DRC11: variants seen among roughly 807,000 people sequenced by gnomAD.
DRC11 encodes the protein dynein regulatory complex subunit 11.
the DRC11 span, among the ~76,000 whole-genome samples, chr2:236,354,012 G>A: frequency 6.6e-6 from 1 of 152,062 alleles, no homozygotes; most frequent in Admixed American, 6.5e-5. Context: ...ACTGCAATTA[G>A]CTGGATATAA....
the DRC11 span, among the ~76,000 whole-genome samples, chr2:236,472,345 G>A: frequency 2.0e-5 from 3 of 152,162 alleles, no homozygotes; most frequent in Non-Finnish European, 4.4e-5. This position sits in a 1 kb window ranked among gnomAD's most constrained non-coding sequence, Gnocchi z 4.6. Context: ...TATGGTAGAC[G>A]CAGGTGAGAT....
chr2:236,320,015 C>A, the DRC11 span, among the ~76,000 whole-genome samples: 2 of 152,218 alleles, frequency 1.3e-5, no homozygotes, highest in African/African-American at 4.8e-5. Flanking sequence ...CAGCCCCTAG[C>A]ACTGTGCACG....
chr2:236,322,229 CTT>C, the DRC11 span, among the ~76,000 whole-genome samples: 243 of 98,486 alleles, frequency 2.5e-3, no homozygotes, highest in African/African-American at 8.6e-3. Flanking sequence ...TTTCTTTCCT[CTT>C]TTTTTTTTTT....
At chr2:236,315,735 C>T in the DRC11 span, among the ~76,000 whole-genome samples, 2 of 152,166 alleles carry the variant, frequency 1.3e-5, no homozygotes, top group Non-Finnish European at 2.9e-5. This position sits in a 1 kb window ranked among gnomAD's most constrained non-coding sequence, Gnocchi z 5.1. Flanking sequence ...CCATTATCCT[C>T]AGCAAACTAA....
At chr2:236,323,465 G>C in the DRC11 span, among the ~76,000 whole-genome samples, 8 of 152,210 alleles carry the variant, frequency 5.3e-5, no homozygotes, top group Non-Finnish European at 7.3e-5. The surrounding 1 kb of genome is among the most constrained non-coding windows in gnomAD (Gnocchi z 6.4). Flanking sequence ...ACTTCGTGGG[G>C]AGTGCGGAAC....
At chr2:236,453,661 AT>A in the DRC11 span, among the ~76,000 whole-genome samples, 1 of 151,170 alleles carries the variant, frequency 6.6e-6, no homozygotes, top group South Asian at 2.1e-4. This position sits in a 1 kb window ranked among gnomAD's most constrained non-coding sequence, Gnocchi z 4.9. Flanking sequence ...TTTTTTTGAG[AT>A]GGAGTCTCAC....
chr2:236,445,476 G>T, the DRC11 span, among the ~76,000 whole-genome samples: 1 of 151,738 alleles, frequency 6.6e-6, no homozygotes, highest in Non-Finnish European at 1.5e-5. The surrounding 1 kb of genome is among the most constrained non-coding windows in gnomAD (Gnocchi z 4.8). Flanking sequence ...GGGACTACAG[G>T]TATGCACCAC....
the DRC11 span, among the ~76,000 whole-genome samples, chr2:236,486,657 T>C: frequency 2.0e-5 from 3 of 152,198 alleles, no homozygotes; most frequent in Non-Finnish European, 4.4e-5. This position sits in a 1 kb window ranked among gnomAD's most constrained non-coding sequence, Gnocchi z 5.7. Flanking sequence ...GATATAACCC[T>C]GATCTCTTCA....
At chr2:236,405,916 TC>T in the DRC11 span, among the ~76,000 whole-genome samples, 1 of 152,160 alleles carries the variant, frequency 6.6e-6, no homozygotes, top group Admixed American at 6.5e-5. The surrounding 1 kb of genome is among the most constrained non-coding windows in gnomAD (Gnocchi z 4.6). Context: ...AATTCAAAAC[TC>T]AGGAATTTTC....
chr2:236,416,745 AT>A, the DRC11 span, among the ~76,000 whole-genome samples: 10 of 59,628 alleles, frequency 1.7e-4, no homozygotes, highest in African/African-American at 5.4e-4. Flanking sequence ...ATATATATAT[AT>A]ATATATATAT....
At chr2:236,364,573 C>T in the DRC11 span, among the ~76,000 whole-genome samples, 1 of 150,658 alleles carries the variant, frequency 6.6e-6, no homozygotes. Context: ...ACTTGAATTA[C>T]TGGAGTCATT....
the DRC11 span, chr2:236,507,448 C>A: frequency 3.7e-5 from 24 of 643,388 alleles, no homozygotes; most frequent in Non-Finnish European, 6.6e-5. Flanking sequence ...AAGGTGAGGC[C>A]GGGTTTGCTT....
At chr2:236,420,318 G>A in the DRC11 span, among the ~76,000 whole-genome samples, 3 of 152,164 alleles carry the variant, frequency 2.0e-5, no homozygotes, top group Admixed American at 2.0e-4. This position sits in a 1 kb window ranked among gnomAD's most constrained non-coding sequence, Gnocchi z 4.8. Context: ...GAGAAAAGAG[G>A]CATAATGTAT....
At chr2:236,436,217 C>T in the DRC11 span, among the ~76,000 whole-genome samples, 2 of 152,042 alleles carry the variant, frequency 1.3e-5, 1 homozygote, top group South Asian at 4.2e-4. Flanking sequence ...CAGGGTGTTC[C>T]AATTTTTGTT....
the DRC11 span, chr2:236,377,196 A>T: frequency 6.3e-7 from 1 of 1,575,484 alleles, no homozygotes; most frequent in South Asian, 1.1e-5. This position sits in a 1 kb window ranked among gnomAD's most constrained non-coding sequence, Gnocchi z 4.9. Context: ...CTGGGGAGAA[A>T]GCAGAGTGTC....
At chr2:236,490,477 T>C in the DRC11 span, among the ~76,000 whole-genome samples, 3 of 152,220 alleles carry the variant, frequency 2.0e-5, no homozygotes, top group Admixed American at 6.5e-5. The surrounding 1 kb of genome is among the most constrained non-coding windows in gnomAD (Gnocchi z 5.5). Context: ...AAATTTGCAG[T>C]GAGCACACAT....
At chr2:236,307,623 C>T in the DRC11 span, among the ~76,000 whole-genome samples, 8 of 152,068 alleles carry the variant, frequency 5.3e-5, no homozygotes, top group South Asian at 2.1e-4. The surrounding 1 kb of genome is among the most constrained non-coding windows in gnomAD (Gnocchi z 7.0). Flanking sequence ...AGGGTGATGG[C>T]GGGGGTGTCC....
the DRC11 span, among the ~76,000 whole-genome samples, chr2:236,469,039 T>C: frequency 6.6e-6 from 1 of 152,288 alleles, no homozygotes; most frequent in African/African-American, 2.4e-5. This position sits in a 1 kb window ranked among gnomAD's most constrained non-coding sequence, Gnocchi z 5.8. Flanking sequence ...AACAGCCCTA[T>C]ACGAAGTGTC....
the DRC11 span, among the ~76,000 whole-genome samples, chr2:236,321,979 C>T: frequency 5.3e-5 from 8 of 152,080 alleles, no homozygotes; most frequent in South Asian, 2.1e-4. Context: ...AAAGCAGACT[C>T]GGGGGTATGC....
Sources: allele counts gnomAD v4.1 joint callset (sites outside exome capture counted in the v4.1 genomes callset), GRCh38; gene constraint gnomAD v4.1.1; non-coding constraint Gnocchi (gnomAD v3.1); transcripts MANE v1.5; gene names NCBI Gene and HGNC (gene_info 2026-07-23, HGNC 2026-07-21).